DMD: variants seen among roughly 807,000 people sequenced by gnomAD.
DMD encodes the protein mutant dystrophin.
Under a neutral mutation model 330.1 loss-of-function variants are expected in DMD, and 63 were observed. That is an observed-to-expected ratio of 0.19 (90% CI 0.16 to 0.24). The LOEUF (loss-of-function observed/expected upper bound fraction) is 0.24, where lower values mean the gene tolerates loss of function less well. DMD is among the 10% of genes least tolerant of loss of function. DMD has a pLI of 1.00. For synonymous variants in DMD, 1,223 were observed against 959.8 expected (o/e 1.27, Z -5.07); for missense variants, 3,344 against 2,684.1 (o/e 1.25, Z -5.43).
chrX:32,440,155 T>C (rs1013108155), intron 28 of DMD, among the ~76,000 whole-genome samples: 3 of 111,600 alleles, frequency 2.7e-5, no homozygotes, highest in South Asian at 3.7e-4. Context: ...TTTATTAATG[T>C]GCTGTAAATT....
At chrX:32,353,548 G>T (rs953272548) in intron 37 of DMD, among the ~76,000 whole-genome samples, 7 of 111,191 alleles carry the variant, frequency 6.3e-5, no homozygotes, top group African/African-American at 1.9e-4. Flanking sequence ...GACCACAAAA[G>T]AACTGGAATC....
chrX:32,405,572 T>A (rs2098112740), intron 30 of DMD, among the ~76,000 whole-genome samples: 1 of 111,536 alleles, frequency 9.0e-6, no homozygotes, highest in South Asian at 3.8e-4. Context: ...TTAAATGAGC[T>A]GACACTGGGT....
chrX:32,170,008 C>T (rs1268565869), intron 44 of DMD, among the ~76,000 whole-genome samples: 1 of 111,468 alleles, frequency 9.0e-6, no homozygotes, highest in Non-Finnish European at 1.9e-5. Context: ...TTGTGATAAG[C>T]TATTTTTCTA....
At chrX:32,696,699 C>A (rs916328467) in intron 9 of DMD, among the ~76,000 whole-genome samples, 9 of 110,688 alleles carry the variant, frequency 8.1e-5, no homozygotes, top group Admixed American at 1.9e-4. Context: ...GGGAAAAAAA[C>A]CCCTATATCT....
At chrX:32,511,856 T>G (rs1227185513) in intron 18 of DMD, among the ~76,000 whole-genome samples, 1 of 111,724 alleles carries the variant, frequency 9.0e-6, no homozygotes, top group Non-Finnish European at 1.9e-5. Context: ...TACTAAATAC[T>G]TTACTCAATA....
At chrX:32,087,262 A>G (rs2096446130) in intron 44 of DMD, among the ~76,000 whole-genome samples, 1 of 111,967 alleles carries the variant, frequency 8.9e-6, no homozygotes, top group Non-Finnish European at 1.9e-5. Context: ...GAATTAACAA[A>G]TTTGAAATTA....
intron 55 of DMD, among the ~76,000 whole-genome samples, chrX:31,586,992 T>C (rs1177850108): frequency 2.7e-5 from 3 of 111,684 alleles, no homozygotes; most frequent in Non-Finnish European, 5.7e-5. Context: ...AGGTTTACCA[T>C]TCATGCATTT....
intron 1 of DMD, among the ~76,000 whole-genome samples, chrX:33,265,139 T>A (rs1603426563): frequency 9.0e-6 from 1 of 110,678 alleles, no homozygotes; most frequent in African/African-American, 3.3e-5. Flanking sequence ...AGGGGGACTT[T>A]AGGCTGAGTC....
At chrX:32,757,069 A>C (rs1490422492) in intron 7 of DMD, among the ~76,000 whole-genome samples, 1 of 111,646 alleles carries the variant, frequency 9.0e-6, no homozygotes, top group Non-Finnish European at 1.9e-5. Flanking sequence ...ACTTAACATG[A>C]CAAATTTTAT....
At chrX:32,848,733 A>C (rs751061410) in intron 3 of DMD, among the ~76,000 whole-genome samples, 2 of 111,564 alleles carry the variant, frequency 1.8e-5, no homozygotes, top group South Asian at 7.7e-4. Flanking sequence ...AAAAATTAGC[A>C]AAGGTAATTT....
At chrX:32,723,336 G>A (rs1200423895) in intron 7 of DMD, among the ~76,000 whole-genome samples, 1 of 110,780 alleles carries the variant, frequency 9.0e-6, no homozygotes, top group Non-Finnish European at 1.9e-5. Flanking sequence ...CTTTATTGAG[G>A]ACTTTCACAT....
At chrX:32,764,418 TC>T (rs756724599) in intron 7 of DMD, among the ~76,000 whole-genome samples, 1 of 111,044 alleles carries the variant, frequency 9.0e-6, no homozygotes, top group South Asian at 3.8e-4. Flanking sequence ...AAAATTATCT[TC>T]CCCCAAAAAA....
At chrX:32,434,895 T>A (rs190033075) in intron 29 of DMD, among the ~76,000 whole-genome samples, 224 of 111,532 alleles carry the variant, frequency 2.0e-3, no homozygotes, top group African/African-American at 6.9e-3. Context: ...GTGGTTTTCA[T>A]GAAAGCCGTA....
chrX:31,609,044 A>G (rs1367302241), intron 55 of DMD, among the ~76,000 whole-genome samples: 2 of 112,330 alleles, frequency 1.8e-5, no homozygotes, highest in Non-Finnish European at 3.8e-5. Context: ...AATTTTTGCC[A>G]CAATATTTAC....
chrX:31,501,476 GGGGTTACTACCGTT>G (rs1183976146), intron 56 of DMD, among the ~76,000 whole-genome samples: 1 of 112,121 alleles, frequency 8.9e-6, no homozygotes, highest in Non-Finnish European at 1.9e-5. Flanking sequence ...CAAGAGCTTA[GGGGTTACTACCGTT>G]TAACAAGGCA....
intron 9 of DMD, among the ~76,000 whole-genome samples, chrX:32,654,895 G>A (rs1038073249): frequency 3.6e-5 from 4 of 111,747 alleles, no homozygotes; most frequent in Non-Finnish European, 7.5e-5. Context: ...ATGTGTCCAC[G>A]AATTTATCCA....
At chrX:32,984,789 C>T (rs1443968534) in intron 2 of DMD, among the ~76,000 whole-genome samples, 4 of 111,212 alleles carry the variant, frequency 3.6e-5, no homozygotes, top group African/African-American at 1.3e-4. Context: ...AGCTGCTTCT[C>T]GCTGGAAACC....
In DMD at chrX:31,155,573, C is replaced by T. The variant is rs1449180835; in HGVS notation, c.10554-8055G>A. Among the ~76,000 whole-genome samples, 3 of 112,138 alleles carry T rather than the reference C, an allele frequency of 2.7e-5. No homozygotes were observed. In the Admixed American group the frequency reaches 2.8e-4, roughly 11 times the overall value. ...ATTCAGGCAAATGTAGTAAATCATA[C>T]AGAACTATTACAGCAGCTATAAATG... On this transcript the variant is annotated intron_variant, in intron 74 of 78. Coordinates refer to ENST00000357033, the MANE Select transcript of DMD (RefSeq NM_004006.3).
intron 1 of DMD, among the ~76,000 whole-genome samples, chrX:33,134,794 C>A (rs913937825): frequency 1.8e-5 from 2 of 111,795 alleles, no homozygotes; most frequent in East Asian, 5.6e-4. Flanking sequence ...GGAACAACTA[C>A]GTGGTAAGCC....
Sources: gnomAD v4.1 joint callset for allele counts (sites outside exome capture counted in the v4.1 genomes callset) on GRCh38, gnomAD v4.1.1 for gene constraint, MANE v1.5 for transcripts, NCBI Gene and HGNC (gene_info 2026-07-23, HGNC 2026-07-21) for gene names.